The following XYLB variants were observed in gnomAD, a reference collection of about 807,000 sequenced individuals.
XYLB encodes xylulokinase, also known as xylulose kinase.
Under a neutral mutation model 78.7 loss-of-function variants are expected in XYLB, and 62 were observed. The observed-to-expected ratio is 0.79, with a 90% confidence interval of 0.64 to 0.97. The LOEUF (loss-of-function observed/expected upper bound fraction) is 0.97. XYLB is among the 50% of genes least tolerant of loss of function. The pLI is 0.00. For missense variants in XYLB, 687 were observed against 676.8 expected (o/e 1.02, Z -0.17); for synonymous variants, 245 against 247.4 (o/e 0.99, Z 0.09).
chr3:38,430,235 A>G, the XYLB span, among the ~76,000 whole-genome samples: 1 of 152,148 alleles, frequency 6.6e-6, no homozygotes, highest in Non-Finnish European at 1.5e-5. Context: ...CTGACTTTTT[A>G]ATGATTGCCA....
rs1708094012 is a variant in XYLB, at chr3:38,400,879, T to C, written c.1439-12T>C. Reference sequence around the variant, plus strand: ...CAACATGCACTAATGTGAAGTGACCTTTCCCTTCTAGGTCTTGCAGGTGGA... The same window carrying C: ...CAACATGCACTAATGTGAAGTGACCCTTCCCTTCTAGGTCTTGCAGGTGGA... On this transcript the variant is annotated splice_polypyrimidine_tract_variant and intron_variant, in intron 17 of 18. Transcript: ENST00000207870. The C allele has an allele frequency of 6.2e-7, 1 of 1,611,936 alleles. No individual in the cohort carries two copies. The highest frequency in any genetic ancestry group is 8.5e-7 in the Non-Finnish European group (1 of 1,178,802).
intron 16 of XYLB, 86 bp from the exon 17 acceptor site, chr3:38,396,986 G>A: frequency 1.5e-6 from 2 of 1,345,762 alleles, no homozygotes; most frequent in Non-Finnish European, 2.1e-6. Context: ...ACATATGAGG[G>A]AGAGAGCCTG....
At chr3:38,426,790 C>T in the XYLB span, among the ~76,000 whole-genome samples, 1 of 152,172 alleles carries the variant, frequency 6.6e-6, no homozygotes, top group Non-Finnish European at 1.5e-5. Context: ...CTGTCATAAA[C>T]AGACCTTAAA....
At chr3:38,449,810 G>C in the XYLB span, among the ~76,000 whole-genome samples, 3 of 152,118 alleles carry the variant, frequency 2.0e-5, no homozygotes, top group Admixed American at 1.3e-4. Context: ...TATAAATTTT[G>C]TTATTTTAAG....
rs111876187 is a variant in XYLB at position 38,379,024 on chromosome 3, T to G, written c.1195-222T>G. On this transcript the variant is annotated intron_variant, in intron 14 of 18. Transcript: ENST00000207870. ...TGAGACTAAGTTCTGTAATGTCTCT[T>G]GACTCTCTTCAAAGTGACATGCATG... Among the ~76,000 whole-genome samples, 2 of 152,126 alleles carry G rather than the reference T, an allele frequency of 1.3e-5. 1 individual carries two copies. Among genetic ancestry groups the G allele is most frequent in the African/African-American group, 4.8e-5 (2 of 41,492 alleles).
chr3:38,372,169 T>C (rs1017079541), intron 9 of XYLB, among the ~76,000 whole-genome samples: 1 of 152,076 alleles, frequency 6.6e-6, no homozygotes, highest in Non-Finnish European at 1.5e-5. Flanking sequence ...CCCTGCACTC[T>C]GTCTTTTTTG....
chr3:38,372,853 C>T (rs1217432099), intron 10 of XYLB, 117 bp downstream of exon 10: 3 of 1,115,298 alleles, frequency 2.7e-6, no homozygotes, highest in Non-Finnish European at 4.0e-6. Flanking sequence ...TCACCACCCC[C>T]ACCCATGCTG....
the XYLB span, among the ~76,000 whole-genome samples, chr3:38,440,795 T>G: frequency 6.6e-6 from 1 of 152,196 alleles, no homozygotes; most frequent in African/African-American, 2.4e-5. Context: ...TTTTCTTTAC[T>G]ACTTCTATCT....
intron 15 of XYLB, among the ~76,000 whole-genome samples, chr3:38,392,920 T>A (rs2125640359): frequency 6.6e-6 from 1 of 152,210 alleles, no homozygotes; most frequent in East Asian, 1.9e-4. Context: ...CTGTTTTATG[T>A]TTCTCCTGTT....
At position 38,374,516 on chromosome 3, in the gene XYLB, C is replaced by T. The variant is rs1338059612; in HGVS notation, c.888+14C>T. ...GGTGACATTGCGGTAAGGCGACTTC[C>T]CACACCCATAGGCTCTTTCTGTTTC... is the stretch of plus-strand genomic sequence containing the variant. On this transcript the variant is annotated intron_variant, in intron 11 of 18. Coordinates refer to ENST00000207870, the MANE Select transcript of XYLB (RefSeq NM_005108.4). 3 of 1,613,752 alleles carry T rather than the reference C, an allele frequency of 1.9e-6. No individual in the cohort carries two copies. In the African/African-American group the frequency reaches 4.0e-5, roughly 22 times the overall value.
At chr3:38,427,264 G>C in the XYLB span, among the ~76,000 whole-genome samples, 2 of 152,130 alleles carry the variant, frequency 1.3e-5, no homozygotes, top group Non-Finnish European at 2.9e-5. Flanking sequence ...GCACCATGTT[G>C]CTCAGACTAG....
chr3:38,381,021 C>G (rs1399170851), intron 15 of XYLB, among the ~76,000 whole-genome samples: 1 of 152,126 alleles, frequency 6.6e-6, no homozygotes, highest in East Asian at 1.9e-4. Flanking sequence ...CTGTAATCTC[C>G]ACATTTTGGG....
intron 18 of XYLB, 32 bp downstream of exon 18, chr3:38,401,017 T>G (rs1324273766): frequency 6.2e-7 from 1 of 1,603,268 alleles, no homozygotes. Context: ...TTTGTAGCAT[T>G]TGCATTATGA....
intron 3 of XYLB, among the ~76,000 whole-genome samples, chr3:38,361,209 C>T (rs1441859043): frequency 6.6e-6 from 1 of 152,136 alleles, no homozygotes; most frequent in East Asian, 1.9e-4. Flanking sequence ...AAGGAGAATG[C>T]CTGTAGCAGG....
At chr3:38,399,168 TG>T (rs1708020462) in intron 17 of XYLB, among the ~76,000 whole-genome samples, 1 of 152,164 alleles carries the variant, frequency 6.6e-6, no homozygotes, top group South Asian at 2.1e-4. Context: ...GGCGTAGTCA[TG>T]GCTCACTGCA....
At chr3:38,438,716 C>A in the XYLB span, among the ~76,000 whole-genome samples, 1 of 152,172 alleles carries the variant, frequency 6.6e-6, no homozygotes, top group African/African-American at 2.4e-5. Flanking sequence ...GCTTCCACAG[C>A]GTGGAAGGAA....
At chr3:38,371,509 C>T (rs1258443583) in intron 9 of XYLB, among the ~76,000 whole-genome samples, 2 of 152,088 alleles carry the variant, frequency 1.3e-5, no homozygotes, top group African/African-American at 2.4e-5. Flanking sequence ...CTCCTGACCT[C>T]GTGATCTGCC....
intron 17 of XYLB, among the ~76,000 whole-genome samples, chr3:38,399,871 G>T (rs1023858380): frequency 6.6e-6 from 1 of 152,224 alleles, no homozygotes; most frequent in African/African-American, 2.4e-5. Flanking sequence ...CCCCATCTGG[G>T]TCTGGGGATG....
chr3:38,399,277 T>C (rs2125652993), intron 17 of XYLB, among the ~76,000 whole-genome samples: 1 of 151,808 alleles, frequency 6.6e-6, no homozygotes, highest in East Asian at 2.0e-4. Context: ...GGCTAATTTT[T>C]GTAGATATAG....
Sources: allele counts gnomAD v4.1 joint callset (sites outside exome capture counted in the v4.1 genomes callset), GRCh38; gene constraint gnomAD v4.1.1; transcripts MANE v1.5; gene names NCBI Gene and HGNC (gene_info 2026-07-23, HGNC 2026-07-21).